The following ACBD5 variants were observed in gnomAD, a reference collection of about 807,000 sequenced individuals.
ACBD5 encodes acyl-CoA-binding domain-containing protein 5.
A neutral mutation model predicts 71.8 loss-of-function variants in ACBD5; 40 were observed. That is an observed-to-expected ratio of 0.56 (90% confidence interval 0.43 to 0.72). ACBD5 has a LOEUF of 0.72. Ranked by LOEUF, ACBD5 falls within the 30% of genes least tolerant of loss-of-function variation. The pLI is 0.00. For synonymous variants in ACBD5, 229 were observed against 218.6 expected (o/e 1.05, Z -0.42); for missense variants, 559 against 644.5 (o/e 0.87, Z 1.44).
chr10:27,230,658 GT>G (rs1224123784), intron 4 of ACBD5, among the ~76,000 whole-genome samples: 2 of 152,046 alleles, frequency 1.3e-5, no homozygotes, highest in African/African-American at 4.8e-5. Flanking sequence ...TTAGCCAGGT[GT>G]AGTGGTGCGC....
At chr10:27,210,630 T>C (rs1259628330) in intron 9 of ACBD5, among the ~76,000 whole-genome samples, 184 bp downstream of exon 9, 2 of 151,952 alleles carry the variant, frequency 1.3e-5, no homozygotes, top group Non-Finnish European at 2.9e-5. Flanking sequence ...TGGTGGTGGG[T>C]GCCTATAATC....
intron 7 of ACBD5, among the ~76,000 whole-genome samples, chr10:27,217,046 T>A (rs1424843558): frequency 7.0e-6 from 1 of 143,536 alleles, no homozygotes; most frequent in Non-Finnish European, 1.5e-5. Flanking sequence ...CTCGGGAGGC[T>A]GAGGCAGGAG....
chr10:27,201,900 G>A (rs1388831399), intron 12 of ACBD5, among the ~76,000 whole-genome samples: 1 of 152,090 alleles, frequency 6.6e-6, no homozygotes, highest in Non-Finnish European at 1.5e-5. Flanking sequence ...CATGTCTTAT[G>A]GTACTTCCGT....
intron 6 of ACBD5, among the ~76,000 whole-genome samples, chr10:27,218,637 GTGCAA>G (rs1237474535): frequency 2.6e-5 from 4 of 151,228 alleles, no homozygotes; most frequent in Non-Finnish European, 5.9e-5. Context: ...CCAGGCTAGA[GTGCAA>G]TGGCATGAGC....
chr10:27,235,234 T>C, intron 2 of ACBD5, 22 bp from the exon 3 acceptor site: 2 of 1,613,568 alleles, frequency 1.2e-6, no homozygotes, highest in Non-Finnish European at 1.7e-6. Flanking sequence ...ACACATTAAA[T>C]ACAAATCACC....
At chr10:27,220,015 C>T (rs536961829) in intron 5 of ACBD5, among the ~76,000 whole-genome samples, 158 bp from the exon 6 acceptor site, 3 of 152,100 alleles carry the variant, frequency 2.0e-5, no homozygotes, top group East Asian at 1.9e-4. Context: ...TATAAACATA[C>T]ATATATTACA....
At chr10:27,184,841 A>G (rs1974367) in intron 13 of ACBD5, among the ~76,000 whole-genome samples, 103,639 of 151,900 alleles carry the variant, frequency 0.68, 35,533 homozygotes, top group Non-Finnish European at 0.7. Flanking sequence ...GATTACAGGC[A>G]TGAGCCATTA....
chr10:27,241,447 C>A (rs2065481408), upstream of ACBD5, among the ~76,000 whole-genome samples: 1 of 152,198 alleles, frequency 6.6e-6, no homozygotes, highest in African/African-American at 2.4e-5. Context: ...GTCCGAGGAG[C>A]AGCCGAAGGA....
At chr10:27,191,369 G>T (rs2059070193), downstream of ACBD5, among the ~76,000 whole-genome samples, 1 of 152,128 alleles carries the variant, frequency 6.6e-6, no homozygotes, top group South Asian at 2.1e-4. Flanking sequence ...TGATATAATG[G>T]TGGATACATA....
intron 6 of ACBD5, among the ~76,000 whole-genome samples, chr10:27,219,481 A>G (rs1047535038): frequency 2.2e-4 from 33 of 152,174 alleles, no homozygotes; most frequent in African/African-American, 8.0e-4. Flanking sequence ...CAGGCCATCC[A>G]TTTGGAGGAG....
At chr10:27,190,403 T>C (rs2059031041), downstream of ACBD5, among the ~76,000 whole-genome samples, 1 of 152,214 alleles carries the variant, frequency 6.6e-6, no homozygotes, top group Non-Finnish European at 1.5e-5. Flanking sequence ...TTAAGTAAGA[T>C]GAAGTACATA....
At position 27,218,100 on chromosome 10, in the gene ACBD5, G is replaced by A; in HGVS notation, c.709C>T (p.Gln237Ter). The change falls in exon 7 of 13, where the codon CAG becomes TAG. Residue 237 changes from glutamine (Q) to a stop codon, truncating the protein, a stop_gained. Coordinates refer to ENST00000396271, the MANE Select transcript of ACBD5 (RefSeq NM_145698.5). LOFTEE classifies it high-confidence loss of function. ...TNGYDKDGFVQDIQNDIHASS... is the reference protein window; with the variant it reads ...TNGYDKDGFV ...GCATGAATGTCATTCTGTATATCCT[G>A]AACAAAGCCATCTTTATCATAGCCA... The A allele has an allele frequency of 6.2e-7, 1 of 1,614,064 alleles. No homozygotes were observed. Among genetic ancestry groups the A allele is most frequent in the Non-Finnish European group, 8.5e-7 (1 of 1,179,976 alleles).
chr10:27,213,278 C>A lies in ACBD5; in HGVS notation c.937-2197G>T, dbSNP rs547120581. On this transcript the variant is annotated intron_variant, in intron 8 of 12. Coordinates refer to ENST00000396271, the MANE Select transcript of ACBD5 (RefSeq NM_145698.5). ...AAAGGTGCTCAACATCACTGATCAT[C>A]AGCGAAATGCAAATCAAAACTACAA... Among the ~76,000 whole-genome samples, 26 of 152,262 alleles carry A rather than the reference C, an allele frequency of 1.7e-4. No homozygotes were observed. In the South Asian group the frequency reaches 4.8e-3, roughly 28 times the overall value.
Position 27,195,690 on chromosome 10 carries a change from T to C in ACBD5, c.*1740A>G, listed in dbSNP as rs749201167. Reference sequence around the variant, plus strand: ...TAAAAGCAAATAGTAGTAGATCCCTTTAGACAGACATATTTTAATCAGTAT... The same window carrying C: ...TAAAAGCAAATAGTAGTAGATCCCTCTAGACAGACATATTTTAATCAGTAT... On this transcript the variant is annotated 3_prime_UTR_variant, in exon 13 of 13. Transcript: ENST00000396271. 3.5e-5 allele frequency: 15 copies of C among 423,166 alleles called. No homozygotes were observed. Among genetic ancestry groups the C allele is most frequent in the South Asian group, 6.9e-5 (4 of 57,758 alleles). 26.2% of individuals were successfully genotyped at this position (423,166 alleles called of 1,614,324 possible).
At chr10:27,188,780 G>C (rs1419660401) in intron 13 of ACBD5, among the ~76,000 whole-genome samples, 1 of 152,108 alleles carries the variant, frequency 6.6e-6, no homozygotes, top group Non-Finnish European at 1.5e-5. Flanking sequence ...ACTTGCTAGG[G>C]AAAAACCTAA....
In ACBD5 at chr10:27,208,463, A is replaced by C; in HGVS notation, c.1205-18T>G. ...CCTATGTCCTATTTTAAGAGGCAAAAATAAGCTTGTTTTAAATAATTCTTA... is the reference window on the plus strand; with the variant it reads ...CCTATGTCCTATTTTAAGAGGCAAACATAAGCTTGTTTTAAATAATTCTTA... On this transcript the variant is annotated intron_variant, in intron 9 of 12. Coordinates refer to ENST00000396271, the MANE Select transcript of ACBD5 (RefSeq NM_145698.5). 6.2e-7 allele frequency: 1 copy of C among 1,611,980 alleles called. No homozygotes were observed. The highest frequency in any genetic ancestry group is 8.5e-7 in the Non-Finnish European group (1 of 1,179,060).
chr10:27,204,039 G>A (rs1303492207), intron 12 of ACBD5, among the ~76,000 whole-genome samples: 2 of 145,054 alleles, frequency 1.4e-5, no homozygotes, highest in African/African-American at 5.1e-5. Flanking sequence ...GAGGCAGAAA[G>A]GATCACTTGA....
chr10:27,215,477 G>T (rs181802676), intron 8 of ACBD5, 58 bp downstream of exon 8: 8 of 1,100,352 alleles, frequency 7.3e-6, no homozygotes, highest in Admixed American at 3.7e-5. Flanking sequence ...CAGAAGTTAC[G>T]CATTGAATTC....
chr10:27,199,571 CT>C (rs2059702112), intron 12 of ACBD5, among the ~76,000 whole-genome samples: 1 of 152,180 alleles, frequency 6.6e-6, no homozygotes, highest in Non-Finnish European at 1.5e-5. Flanking sequence ...GCGGTGAATG[CT>C]GCTCTAGCTG....
Sources: allele counts gnomAD v4.1 joint callset (sites outside exome capture counted in the v4.1 genomes callset), GRCh38; gene constraint gnomAD v4.1.1; transcripts MANE v1.5; gene names NCBI Gene and HGNC (gene_info 2026-07-23, HGNC 2026-07-21).